Variants in CAMSAP2 observed in about 807,000 individuals in gnomAD.
CAMSAP2 encodes calmodulin regulated spectrin associated protein family member 2.
In CAMSAP2, 26 loss-of-function variants were observed where a neutral mutation model predicts 146.1. The ratio of observed to expected loss-of-function variants is 0.18; its 90% CI spans 0.13 to 0.25. The LOEUF is 0.25. CAMSAP2 is among the 10% of genes least tolerant of loss of function. The pLI is 1.00. For missense variants in CAMSAP2, 1,381 were observed against 1,759.3 expected (o/e 0.78, Z 3.85); for synonymous variants, 499 against 596.6 (o/e 0.84, Z 2.38).
chr1:200,809,114 C>T (rs1224124482), intron 3 of CAMSAP2, among the ~76,000 whole-genome samples: 1 of 152,134 alleles, frequency 6.6e-6, no homozygotes, highest in Non-Finnish European at 1.5e-5. Flanking sequence ...CCATTTTCCT[C>T]TAATTCTCGG....
At chr1:200,807,739 CT>C (rs397948290) in intron 3 of CAMSAP2, among the ~76,000 whole-genome samples, 497 of 131,400 alleles carry the variant, frequency 3.8e-3, no homozygotes, top group African/African-American at 8.4e-3. Context: ...TATGATTACT[CT>C]TTTTTTTTTT....
At chr1:200,830,841 C>G (rs1235853492) in intron 4 of CAMSAP2, among the ~76,000 whole-genome samples, 1 of 152,144 alleles carries the variant, frequency 6.6e-6, no homozygotes, top group African/African-American at 2.4e-5. Context: ...CAAGAACCTT[C>G]AGAAATCTTT....
chr1:200,745,700 G>A (rs1664302115), intron 1 of CAMSAP2, among the ~76,000 whole-genome samples: 1 of 152,196 alleles, frequency 6.6e-6, no homozygotes, highest in South Asian at 2.1e-4. Flanking sequence ...CTCAAACTTT[G>A]GGGTCAAGTG....
At position 200,852,659 on chromosome 1, in the gene CAMSAP2, A is replaced by G. The variant is rs1243397987; in HGVS notation, c.3584A>G (p.His1195Arg). ...RKQQLEAEME[H>R]KKEETRRKTE... ...CAACAGTTGGAAGCAGAAATGGAGC[A>G]TAAGAAGGAGGAAACAAGGTAAAGG... The change falls in exon 12 of 17, where the codon CAT (histidine) becomes CGT (arginine). Residue 1195 changes from histidine (H) to arginine (R), a missense_variant. His to Arg is a conservative substitution (Grantham distance 29, BLOSUM62 0). This residue lies in a region of CAMSAP2 where 560 missense variants were observed against 715.9 expected (regional missense o/e 0.78). Coordinates refer to ENST00000358823, the MANE Select transcript of CAMSAP2 (RefSeq NM_203459.4). 1 of 1,613,296 alleles carries G rather than the reference A, an allele frequency of 6.2e-7. No homozygotes were observed. Among genetic ancestry groups the G allele is most frequent in the Non-Finnish European group, 8.5e-7 (1 of 1,179,850 alleles).
At position 200,816,774 on chromosome 1, in the gene CAMSAP2, GCGTGTATATATGTGTGTACACACACA is replaced by G. The variant is rs1666523258; in HGVS notation, c.645+1133_645+1158del. On this transcript the variant is annotated intron_variant, in intron 4 of 16. Coordinates refer to ENST00000358823, the MANE Select transcript of CAMSAP2 (RefSeq NM_203459.4). ...TGTATATATGTGTGTACACACACAC[GCGTGTATATATGTGTGTACACACACA>G]CGCGTGTATATATGTGTGTACACAC... Among the ~76,000 whole-genome samples the G allele has an allele frequency of 2.1e-5, 2 of 94,950 alleles. 1 individual carries two copies. The highest frequency in any genetic ancestry group is 4.4e-5 in the Non-Finnish European group (2 of 45,004). The allele number at this position is 94,950 out of a possible 152,430, so 62.3% of individuals were successfully genotyped here.
At chr1:200,807,757 T>C (rs1666219073) in intron 3 of CAMSAP2, among the ~76,000 whole-genome samples, 1 of 151,056 alleles carries the variant, frequency 6.6e-6, no homozygotes, top group Non-Finnish European at 1.5e-5. Context: ...TTTTTTTTTT[T>C]TGAGAAGTAG....
At chr1:200,854,773 A>G in intron 13 of CAMSAP2, 44 bp from the exon 14 acceptor site, 2 of 1,498,530 alleles carry the variant, frequency 1.3e-6, no homozygotes, top group Non-Finnish European at 1.8e-6. Context: ...TAAATTTCTG[A>G]TTTTGTTTTT....
intron 2 of CAMSAP2, among the ~76,000 whole-genome samples, chr1:200,791,736 C>T (rs929990034): frequency 2.0e-5 from 3 of 151,988 alleles, no homozygotes; most frequent in African/African-American, 7.2e-5. Flanking sequence ...ACTTTTTGTG[C>T]GAGCTAGTTA....
intron 12 of CAMSAP2, 62 bp downstream of exon 12, chr1:200,852,739 A>G (rs1314633337): frequency 6.5e-7 from 1 of 1,530,702 alleles, no homozygotes; most frequent in Non-Finnish European, 8.8e-7. Flanking sequence ...GCATATTTAG[A>G]AAAAGTTGGT....
chr1:200,817,161 CACACGTGTGTGTAT>C (rs1558191953), intron 4 of CAMSAP2, among the ~76,000 whole-genome samples: 234 of 86,024 alleles, frequency 2.7e-3, no homozygotes, highest in African/African-American at 0.012. Flanking sequence ...CACACATACA[CACACGTGTGTGTAT>C]ATACACACAC....
At chr1:200,817,209 CAT>C (rs772825560) in intron 4 of CAMSAP2, among the ~76,000 whole-genome samples, 5,983 of 91,886 alleles carry the variant, frequency 0.065, 231 homozygotes, top group Non-Finnish European at 0.089. Flanking sequence ...TGTATACACA[CAT>C]ACACACATAT....
At chr1:200,829,909 A>C (rs1666998973) in intron 4 of CAMSAP2, among the ~76,000 whole-genome samples, 1 of 152,190 alleles carries the variant, frequency 6.6e-6, no homozygotes, top group Non-Finnish European at 1.5e-5. Flanking sequence ...CCTGGGTAAC[A>C]GAGTGAGACG....
At position 200,816,737 on chromosome 1, in the gene CAMSAP2, C is replaced by CACACACGCGTGTATATATGTGTGTAT. The variant is rs1558190782; in HGVS notation, c.645+1099_645+1100insGCGTGTATATATGTGTGTATACACAC. Among the ~76,000 whole-genome samples, 16 of 30,494 alleles carry CACACACGCGTGTATATATGTGTGTAT rather than the reference C, an allele frequency of 5.2e-4. 6 individuals are homozygous for CACACACGCGTGTATATATGTGTGTAT. Among genetic ancestry groups the CACACACGCGTGTATATATGTGTGTAT allele is most frequent in the African/African-American group, 1.1e-3 (7 of 6,650 alleles). The allele number at this position is 30,494 out of a possible 152,430, so 20.0% of individuals were successfully genotyped here. A position where few individuals can be genotyped will look rare whatever the true frequency, so the allele number is the denominator to read the frequency against. ...ATACACACGCACATATATGTGTGTA[C>CACACACGCGTGTATATATGTGTGTAT]ACACACACGCGTGTATATATGTGTG... On this transcript the variant is annotated intron_variant, in intron 4 of 16. Coordinates refer to ENST00000358823, the MANE Select transcript of CAMSAP2 (RefSeq NM_203459.4).
In CAMSAP2 at chr1:200,757,069, G is replaced by A. The variant is rs185998117; in HGVS notation, c.140-3770G>A. The stretch of plus-strand genomic sequence containing the variant: ...GGTTAATTTCAAGTTCAGATTCTGT[G>A]GCTTACTTTTAATTGGAGTTCTTTG... On this transcript the variant is annotated intron_variant, in intron 1 of 16. Transcript: ENST00000358823. 2.6e-3 allele frequency among the ~76,000 whole-genome samples: 400 copies of A among 152,102 alleles called. 1 individual carries two copies. Among genetic ancestry groups the A allele is most frequent in the African/African-American group, 9.2e-3 (381 of 41,488 alleles).
intron 4 of CAMSAP2, among the ~76,000 whole-genome samples, chr1:200,819,276 C>T (rs989425211): frequency 1.3e-5 from 2 of 151,942 alleles, no homozygotes; most frequent in Non-Finnish European, 2.9e-5. Flanking sequence ...GTTATTTTCT[C>T]TTTTTTTTCC....
intron 1 of CAMSAP2, among the ~76,000 whole-genome samples, chr1:200,747,146 G>A (rs894981786): frequency 6.6e-6 from 1 of 152,108 alleles, no homozygotes; most frequent in African/African-American, 2.4e-5. Flanking sequence ...CACTTTTCCT[G>A]CCTCGGCTTC....
At chr1:200,825,013 A>G (rs1227537968) in intron 4 of CAMSAP2, among the ~76,000 whole-genome samples, 1 of 152,120 alleles carries the variant, frequency 6.6e-6, no homozygotes, top group African/African-American at 2.4e-5. Context: ...TTAAAAACCT[A>G]CTAAGAAGAA....
chr1:200,780,685 C>T (rs963756755), intron 2 of CAMSAP2, among the ~76,000 whole-genome samples: 1 of 152,152 alleles, frequency 6.6e-6, no homozygotes, highest in East Asian at 1.9e-4. Flanking sequence ...TGGGTGACTT[C>T]TAGATACCTG....
intron 2 of CAMSAP2, among the ~76,000 whole-genome samples, chr1:200,802,460 A>T (rs935503361): frequency 6.6e-6 from 1 of 152,246 alleles, no homozygotes; most frequent in Admixed American, 6.5e-5. Flanking sequence ...GTTTATATAG[A>T]TAAATGATAT....
Sources: allele counts gnomAD v4.1 joint callset (sites outside exome capture counted in the v4.1 genomes callset), GRCh38; gene constraint gnomAD v4.1.1; regional missense constraint gnomAD v4.1.1; transcripts MANE v1.5; gene names NCBI Gene and HGNC (gene_info 2026-07-23, HGNC 2026-07-21).